The following BRD9 variants were observed in gnomAD, a reference collection of about 807,000 sequenced individuals.
BRD9 encodes the protein bromodomain-containing protein 9.
Under a neutral mutation model 68.7 loss-of-function variants are expected in BRD9, and 47 were observed. The ratio of observed to expected loss-of-function variants is 0.68; its 90% CI spans 0.54 to 0.87. BRD9 has a LOEUF of 0.87. Among genes scored for constraint, BRD9 ranks in the 40% least tolerant of loss-of-function variants. The pLI is 0.00. For missense variants in BRD9, 670 were observed against 748.4 expected (o/e 0.90, Z 1.22); for synonymous variants, 313 against 293.9 (o/e 1.06, Z -0.67).
At position 877,121 on chromosome 5, in the gene BRD9, G is replaced by A. The variant is rs952693737; in HGVS notation, c.1272-909C>T. On this transcript the variant is annotated intron_variant, in intron 11 of 15. Coordinates refer to ENST00000467963, the MANE Select transcript of BRD9 (RefSeq NM_023924.5). The stretch of plus-strand genomic sequence containing the variant: ...CTAGGGACAGACAGCTGGGGAAGGC[G>A]GGGGGTGTGCACAGTCCACTGATGT... Among the ~76,000 whole-genome samples, 4 of 152,184 alleles carry A rather than the reference G, an allele frequency of 2.6e-5. No homozygotes were observed. The East Asian group carries it at 5.8e-4, about 22-fold the overall frequency.
Position 878,238 on chromosome 5 carries a change from A to C in BRD9, c.1271+117T>G, listed in dbSNP as rs142999062. 1.4e-3 allele frequency: 2,065 copies of C among 1,447,644 alleles called. 26 individuals carry two copies. The African/African-American group carries it at 0.025, about 18-fold the overall frequency. 89.7% of individuals were successfully genotyped at this position (1,447,644 alleles called of 1,614,324 possible). A position where few individuals can be genotyped will look rare whatever the true frequency, so the allele number is the denominator to read the frequency against. The stretch of plus-strand genomic sequence containing the variant: ...GCAACGGGAAGACCCAGGCTGCCAT[A>C]TGGACGGCTGCAAGATGGCTCTCTC... On this transcript the variant is annotated intron_variant, in intron 11 of 15. Coordinates refer to ENST00000467963, the MANE Select transcript of BRD9 (RefSeq NM_023924.5).
chr5:887,321 CCTG>C, intron 6 of BRD9, 37 bp downstream of exon 6: 1 of 1,535,824 alleles, frequency 6.5e-7, no homozygotes, highest in African/African-American at 1.4e-5. Context: ...GGGCAGAGCC[CCTG>C]CTTTCCGTAG....
At chr5:887,615 G>A (rs575909229) in intron 5 of BRD9, 144 bp from the exon 6 acceptor site, 48 of 684,706 alleles carry the variant, frequency 7.0e-5, no homozygotes, top group Admixed American at 1.5e-4. Flanking sequence ...TAAACATAAC[G>A]TTTAAGAACT....
At chr5:865,268 C>A (rs1749206336) in intron 15 of BRD9, 146 bp downstream of exon 15, 1 of 1,137,564 alleles carries the variant, frequency 8.8e-7, no homozygotes, top group African/African-American at 1.6e-5. Context: ...CCAAGGACAT[C>A]TGTGGAAACC....
Position 892,791 on chromosome 5 carries a change from G to GAGGTTGCCACGCT in BRD9, c.-135_-134insAGCGTGGCAACCT. On this transcript the variant is annotated 5_prime_UTR_variant, in exon 1 of 16. Coordinates refer to ENST00000467963, the MANE Select transcript of BRD9 (RefSeq NM_023924.5). ...CCGAGGTTGCCGAGCTCGCTGGGCC[G>GAGGTTGCCACGCT]CGCCGGAAACGGGGCGAGGCGGGGC... 1 of 1,049,494 alleles carries GAGGTTGCCACGCT rather than the reference G, an allele frequency of 9.5e-7. No homozygotes were observed. Among genetic ancestry groups the GAGGTTGCCACGCT allele is most frequent in the African/African-American group, 1.7e-5 (1 of 60,010 alleles). 65.0% of individuals were successfully genotyped at this position (1,049,494 alleles called of 1,614,324 possible). A position where few individuals can be genotyped will look rare whatever the true frequency, so the allele number is the denominator to read the frequency against.
intron 2 of BRD9, 155 bp from the exon 3 acceptor site, chr5:891,442 T>C (rs1268011472): frequency 6.8e-6 from 9 of 1,331,826 alleles, no homozygotes; most frequent in Non-Finnish European, 9.0e-6. Flanking sequence ...ACAGAGACCC[T>C]GGCAGGGTCT....
At chr5:868,749 C>G (rs542230898) in intron 14 of BRD9, 1 of 152,772 alleles carries the variant, frequency 6.5e-6, no homozygotes, top group Non-Finnish European at 1.5e-5. Context: ...CTGGGCCTCA[C>G]GCTGGGTTTC....
At chr5:874,182 C>T (rs1175505085) in intron 12 of BRD9, among the ~76,000 whole-genome samples, 10 of 152,184 alleles carry the variant, frequency 6.6e-5, no homozygotes, top group Admixed American at 2.0e-4. Context: ...ACTGCAGCCT[C>T]GACCTCCCGG....
At chr5:892,172 C>A (rs1014030691) in intron 1 of BRD9, 5 of 436,594 alleles carry the variant, frequency 1.1e-5, no homozygotes, top group Non-Finnish European at 2.0e-5. Context: ...CGATCTCCCT[C>A]CTAGAAACCC....
At chr5:871,655 C>T in intron 12 of BRD9, 91 bp from the exon 13 acceptor site, 9 of 1,239,382 alleles carry the variant, frequency 7.3e-6, no homozygotes, top group Non-Finnish European at 1.1e-5. Context: ...GTAAAAATGG[C>T]TTGTGCGCTT....
chr5:890,375 G>A (rs1190328500), intron 3 of BRD9, among the ~76,000 whole-genome samples: 2 of 152,090 alleles, frequency 1.3e-5, no homozygotes, highest in Non-Finnish European at 2.9e-5. Flanking sequence ...AAGCCCAGCC[G>A]TCTGTTTCCC....
chr5:892,366 G>A, intron 1 of BRD9: 1 of 894,126 alleles, frequency 1.1e-6, no homozygotes, highest in Non-Finnish European at 1.6e-6. Flanking sequence ...GGACCGGGGT[G>A]AGTGGGCTTG....
chr5:876,756 G>A (rs1750999225), intron 11 of BRD9, among the ~76,000 whole-genome samples: 2 of 152,298 alleles, frequency 1.3e-5, no homozygotes, highest in Non-Finnish European at 2.9e-5. Flanking sequence ...CCAAGCAAGC[G>A]CCTCAGAAGG....
At chr5:891,012 G>A in intron 3 of BRD9, 143 bp downstream of exon 3, 1 of 1,086,722 alleles carries the variant, frequency 9.2e-7, no homozygotes, top group Non-Finnish European at 1.2e-6. Context: ...CCTCAGGCCA[G>A]AGGACACCTG....
chr5:889,767 C>T (rs1560931757), intron 3 of BRD9, 120 bp from the exon 4 acceptor site: 2 of 1,530,644 alleles, frequency 1.3e-6, no homozygotes, highest in Admixed American at 1.8e-5. Context: ...CCACCGAGAA[C>T]TGGGGATATA....
chr5:886,326 G>C lies in BRD9; in HGVS notation c.833+266C>G, dbSNP rs374869852. Among the ~76,000 whole-genome samples, 16 of 152,376 alleles carry C rather than the reference G, an allele frequency of 1.1e-4. No individual in the cohort carries two copies. The South Asian group carries it at 3.1e-3, about 30-fold the overall frequency. On this transcript the variant is annotated intron_variant, in intron 7 of 15. Transcript: ENST00000467963. The stretch of plus-strand genomic sequence containing the variant: ...GGGCCAATGATCTTAACGGCGTGTA[G>C]AGACAGAGACCACCAGTCACTAGCA...
rs1163083762 is a variant in BRD9 at position 864,054 on chromosome 5, C to A, written c.*414G>T. The A allele has an allele frequency of 6.2e-6, 1 of 161,826 alleles. No homozygotes were observed. The highest frequency in any genetic ancestry group is 1.4e-5 in the Non-Finnish European group (1 of 73,344). The allele number at this position is 161,826 out of a possible 1,614,324, so 10.0% of individuals were successfully genotyped here. The stretch of plus-strand genomic sequence containing the variant: ...CTGGCAGAAACAAGGGCTGGAGCCA[C>A]ACGTGATGCTCGGACACAAACGGCA... On this transcript the variant is annotated 3_prime_UTR_variant, in exon 16 of 16. Coordinates refer to ENST00000467963, the MANE Select transcript of BRD9 (RefSeq NM_023924.5).
chr5:889,882 T>A, intron 3 of BRD9: 1 of 700,910 alleles, frequency 1.4e-6, no homozygotes, highest in Non-Finnish European at 2.3e-6. Context: ...CGGTAGCCCT[T>A]ACATCAACAA....
At chr5:878,207 C>G in intron 11 of BRD9, 148 bp downstream of exon 11, 1 of 1,190,206 alleles carries the variant, frequency 8.4e-7, no homozygotes, top group South Asian at 1.4e-5. Context: ...GTGTGGATGA[C>G]TGAAAGCAAC....
Sources: gnomAD v4.1 joint callset for allele counts (sites outside exome capture counted in the v4.1 genomes callset) on GRCh38, gnomAD v4.1.1 for gene constraint, MANE v1.5 for transcripts, NCBI Gene and HGNC (gene_info 2026-07-23, HGNC 2026-07-21) for gene names.